The following LAMP3 variants were observed in gnomAD, a reference collection of about 807,000 sequenced individuals.
LAMP3 encodes the protein lysosome associated membrane protein 3, also known as lysosome-associated membrane glycoprotein 3.
Under a neutral mutation model 34.8 loss-of-function variants are expected in LAMP3, and 26 were observed. The observed-to-expected ratio is 0.75, with a 90% confidence interval of 0.55 to 1.04. The LOEUF (loss-of-function observed/expected upper bound fraction) is 1.04. Ranked by LOEUF, LAMP3 falls within the 50% of genes least tolerant of loss-of-function variation. The pLI is 0.00. For synonymous variants in LAMP3, 180 were observed against 201.9 expected (o/e 0.89, Z 0.92); for missense variants, 495 against 524.0 (o/e 0.94, Z 0.54).
intron 3 of LAMP3, among the ~76,000 whole-genome samples, chr3:183,145,218 C>T (rs1720404073): frequency 6.6e-6 from 1 of 152,088 alleles, no homozygotes; most frequent in Non-Finnish European, 1.5e-5. Context: ...CAGCATGTCA[C>T]CCTAACCAAA....
intron 1 of LAMP3, among the ~76,000 whole-genome samples, chr3:183,157,497 C>G (rs1560317049): frequency 6.6e-6 from 1 of 152,110 alleles, no homozygotes; most frequent in Non-Finnish European, 1.5e-5. Flanking sequence ...AACGAAAGCC[C>G]CATTAGATTC....
intron 4 of LAMP3, among the ~76,000 whole-genome samples, chr3:183,136,486 T>G (rs1391914398): frequency 6.6e-6 from 1 of 151,582 alleles, no homozygotes; most frequent in Non-Finnish European, 1.5e-5. Context: ...ACCCCATCTC[T>G]ACTAAGAATA....
At position 183,140,583 on chromosome 3, in the gene LAMP3, A is replaced by G; in HGVS notation, c.901T>C (p.Tyr301His). The G allele has an allele frequency of 6.3e-7, 1 of 1,599,280 alleles. No homozygotes were observed. The highest frequency in any genetic ancestry group is 8.6e-7 in the Non-Finnish European group (1 of 1,166,650). Residue 301 changes from tyrosine to histidine, a missense_variant, in exon 4 of 6, where the codon TAT (tyrosine) becomes CAT (histidine). Transcript: ENST00000265598. Reference protein sequence around the residue: ...NLTFTKDEESYYISEVGAYLT... With the variant: ...NLTFTKDEESHYISEVGAYLT... ...TAGGCTCCCACTTCACTGATATAAT[A>G]TGATTCTTCATCCTGTAAAACAGTA...
In LAMP3 at chr3:183,153,795, G is replaced by C. The variant is rs1209151579; in HGVS notation, c.646C>G (p.Leu216Val). The C allele has an allele frequency of 2.5e-6, 4 of 1,588,890 alleles. No homozygotes were observed. The highest frequency in any genetic ancestry group is 2.6e-6 in the Non-Finnish European group (3 of 1,167,498). Residue 216 changes from leucine (L) to valine (V), a missense_variant, in exon 2 of 6, where the codon CTT becomes GTT. Coordinates refer to ENST00000265598, the MANE Select transcript of LAMP3 (RefSeq NM_014398.4). ...TTGACTGACGATGGCTGAGGTGCAA[G>C]GGTGGGCCCAGGAACCGTGGAGGCA... is the stretch of plus-strand genomic sequence containing the variant. ...APASTVPGPTLAPQPSSVKTG... is the reference protein window; with the variant it reads ...APASTVPGPTVAPQPSSVKTG...
intron 5 of LAMP3, among the ~76,000 whole-genome samples, chr3:183,127,542 C>G (rs1442558748): frequency 6.6e-6 from 1 of 151,696 alleles, no homozygotes. Context: ...AAAATTAAAT[C>G]AAACATTTAT....
At chr3:183,127,564 CATTTT>C (rs1719811113) in intron 5 of LAMP3, among the ~76,000 whole-genome samples, 1 of 151,866 alleles carries the variant, frequency 6.6e-6, no homozygotes, top group South Asian at 2.1e-4. Flanking sequence ...CTGTCCATTT[CATTTT>C]ATAATAACCT....
chr3:183,136,354 T>C (rs1277136173), intron 4 of LAMP3, among the ~76,000 whole-genome samples: 3 of 152,024 alleles, frequency 2.0e-5, no homozygotes, highest in Non-Finnish European at 2.9e-5. Context: ...ATGAGCAGGG[T>C]CAAGAACTCA....
At chr3:183,130,154 CTTTTT>C (rs34543624) in intron 5 of LAMP3, among the ~76,000 whole-genome samples, 3 of 70,962 alleles carry the variant, frequency 4.2e-5, no homozygotes, top group Non-Finnish European at 9.1e-5. Context: ...ACCCTCACTC[CTTTTT>C]TTTTTTTTTT....
intron 5 of LAMP3, among the ~76,000 whole-genome samples, chr3:183,127,966 C>A (rs1476614103): frequency 6.6e-6 from 1 of 151,864 alleles, no homozygotes; most frequent in African/African-American, 2.4e-5. Flanking sequence ...CCCGTCTCTA[C>A]TAAAAATATG....
At chr3:183,156,013 A>T (rs185471818) in intron 1 of LAMP3, among the ~76,000 whole-genome samples, 1 of 152,326 alleles carries the variant, frequency 6.6e-6, no homozygotes, top group East Asian at 1.9e-4. Context: ...CAACTAGAAC[A>T]GGTCTATCCT....
chr3:183,131,911 G>A (rs535180407), intron 5 of LAMP3: 14 of 984,584 alleles, frequency 1.4e-5, no homozygotes, highest in African/African-American at 5.2e-5. Flanking sequence ...GATATCAACC[G>A]TCCCCCATCA....
rs141680266 is a variant in LAMP3 at position 183,139,047 on chromosome 3, T to C, written c.946+1491A>G. On this transcript the variant is annotated intron_variant, in intron 4 of 5. Coordinates refer to ENST00000265598, the MANE Select transcript of LAMP3 (RefSeq NM_014398.4). The stretch of plus-strand genomic sequence containing the variant: ...GGCTTCCCTAATGTCCCACCTAAAA[T>C]AGCTTTCGATTCCTCTCCACTCCCC... Among the ~76,000 whole-genome samples, 496 of 152,240 alleles carry C rather than the reference T, an allele frequency of 3.3e-3. 2 individuals are homozygous for C. Among genetic ancestry groups the C allele is most frequent in the Non-Finnish European group, 4.8e-3 (328 of 68,002 alleles).
intron 5 of LAMP3, among the ~76,000 whole-genome samples, chr3:183,129,676 T>C (rs1472977903): frequency 1.3e-5 from 2 of 152,220 alleles, no homozygotes; most frequent in African/African-American, 4.8e-5. Flanking sequence ...ATTAAGTGAT[T>C]CTCAGCATCA....
chr3:183,132,729 G>A (rs762838398), intron 5 of LAMP3: 18 of 985,286 alleles, frequency 1.8e-5, no homozygotes, highest in Non-Finnish European at 2.2e-5. Flanking sequence ...AACAGGCAAC[G>A]AGACAGGTCA....
At chr3:183,143,897 T>C (rs1338173435) in intron 3 of LAMP3, among the ~76,000 whole-genome samples, 1 of 152,180 alleles carries the variant, frequency 6.6e-6, no homozygotes, top group East Asian at 1.9e-4. Context: ...AACCTTAACA[T>C]CCTCCTTAGC....
intron 5 of LAMP3, among the ~76,000 whole-genome samples, chr3:183,129,689 C>A (rs552297628): frequency 1.3e-5 from 2 of 152,286 alleles, no homozygotes; most frequent in East Asian, 1.9e-4. Flanking sequence ...CAGCATCAAG[C>A]AATTGTCAGG....
At chr3:183,126,534 ATG>A (rs111747229) in intron 5 of LAMP3, among the ~76,000 whole-genome samples, 5,828 of 149,066 alleles carry the variant, frequency 0.039, 131 homozygotes, top group East Asian at 0.1. Flanking sequence ...TCCTCTGTGA[ATG>A]TGTGTGTGTG....
intron 5 of LAMP3, 50 bp downstream of exon 5, chr3:183,135,667 C>A (rs774485478): frequency 1.9e-6 from 3 of 1,547,470 alleles, no homozygotes; most frequent in Admixed American, 1.7e-5. Flanking sequence ...TTGGATCTAC[C>A]CTGGGGTCTC....
At chr3:183,140,641 T>C (rs761258130) in intron 3 of LAMP3, 46 bp from the exon 4 acceptor site, 1 of 1,199,728 alleles carries the variant, frequency 8.3e-7, no homozygotes, top group African/African-American at 1.5e-5. Flanking sequence ...TCTACTCATA[T>C]GTTTACAATC....
Sources: gnomAD v4.1 joint callset for allele counts (sites outside exome capture counted in the v4.1 genomes callset) on GRCh38, gnomAD v4.1.1 for gene constraint, MANE v1.5 for transcripts, NCBI Gene and HGNC (gene_info 2026-07-23, HGNC 2026-07-21) for gene names.